The following ZNF124 variants were observed in gnomAD, a reference collection of about 807,000 sequenced individuals.
The protein encoded by ZNF124 is zinc finger protein HZF-16.
A neutral mutation model predicts 26.6 loss-of-function variants in ZNF124; 25 were observed. The ratio of observed to expected loss-of-function variants is 0.94; its 90% CI spans 0.68 to 1.31. The LOEUF is 1.31. ZNF124 is among the 40% of genes most tolerant of loss of function. ZNF124 has a pLI of 0.00. For synonymous variants in ZNF124, 129 were observed against 133.3 expected, an observed-to-expected ratio of 0.97 and a Z score of 0.22; for missense variants, 444 against 422.2, an observed-to-expected ratio of 1.05 and a Z score of -0.45.
intron 3 of ZNF124, among the ~76,000 whole-genome samples, chr1:247,130,165 T>A (rs1387832113): frequency 6.6e-6 from 1 of 152,224 alleles, no homozygotes; most frequent in Non-Finnish European, 1.5e-5. Context: ...CAGTACAGCT[T>A]GAGAGATAAT....
At chr1:247,131,329 C>T (rs1290574315) in intron 3 of ZNF124, among the ~76,000 whole-genome samples, 7 of 152,118 alleles carry the variant, frequency 4.6e-5, no homozygotes, top group Non-Finnish European at 7.3e-5. Flanking sequence ...AGATCCCACT[C>T]GCAAACCCAC....
chr1:247,144,082 C>A (rs1558377634), intron 3 of ZNF124, among the ~76,000 whole-genome samples: 1 of 152,152 alleles, frequency 6.6e-6, no homozygotes, highest in East Asian at 1.9e-4. Flanking sequence ...TGTCCTTTCC[C>A]AACATGATTT....
intron 1 of ZNF124, among the ~76,000 whole-genome samples, chr1:247,167,900 A>T (rs576730997): frequency 6.6e-6 from 1 of 152,382 alleles, no homozygotes; most frequent in East Asian, 1.9e-4. Context: ...GGCAAAGGAC[A>T]TGAATAGTTC....
Position 247,156,308 on chromosome 1 carries a change from C to G in ZNF124, c.*258G>C. The G allele has an allele frequency of 8.5e-7, 1 of 1,174,292 alleles. No individual in the cohort carries two copies. The highest frequency in any genetic ancestry group is 1.1e-6 in the Non-Finnish European group (1 of 951,830). 72.7% of individuals were successfully genotyped at this position (1,174,292 alleles called of 1,614,324 possible). The stretch of plus-strand genomic sequence containing the variant: ...GTTATACCATCAAATACCACTGGAA[C>G]AACTGCAGGCCTTACCACATTTTAA... On this transcript the variant is annotated 3_prime_UTR_variant, in exon 4 of 4. Coordinates refer to ENST00000543802, the MANE Select transcript of ZNF124 (RefSeq NM_001297568.2).
chr1:247,131,968 C>G lies in ZNF124; in HGVS notation c.219-8097G>C, dbSNP rs146515128. On this transcript the variant is annotated intron_variant, in intron 3 of 3. Coordinates refer to the ZNF124 transcript ENST00000472531. ...GGGTCCTTTTCCCTGTGCCACCCAACTGGGTGAGACCCTCCAACAGGGGTT... is the reference window on the plus strand; with the variant it reads ...GGGTCCTTTTCCCTGTGCCACCCAAGTGGGTGAGACCCTCCAACAGGGGTT... Among the ~76,000 whole-genome samples the G allele has an allele frequency of 2.0e-5, 3 of 152,332 alleles. No individual in the cohort carries two copies. The East Asian group carries it at 5.8e-4, about 29-fold the overall frequency.
Position 247,159,048 on chromosome 1 carries a change from T to A in ZNF124, c.176A>T (p.Gln59Leu). Reference sequence around the variant, plus strand: ...ATTTTTGTACTGATCTTCAATGCTCTGGTCTTCCCCTTTGTTTCCTAAAAT... The same window carrying A: ...ATTTTTGTACTGATCTTCAATGCTCAGGTCTTCCCCTTTGTTTCCTAAAAT... Reference protein sequence around the residue: ...LASIGNKGEDQSIEDQYKNSS... With the variant: ...LASIGNKGEDLSIEDQYKNSS... Residue 59 changes from glutamine to leucine, a missense_variant, in exon 3 of 4, where the codon CAG becomes CTG. Transcript: ENST00000543802. 1 of 1,612,638 alleles carries A rather than the reference T, an allele frequency of 6.2e-7. No homozygotes were observed. Among genetic ancestry groups the A allele is most frequent in the South Asian group, 1.1e-5 (1 of 90,596 alleles).
rs116350713 is a variant in ZNF124 at position 247,168,804 on chromosome 1, A to C, written c.30+3044T>G. On this transcript the variant is annotated intron_variant, in intron 1 of 3. Coordinates refer to ENST00000543802, the MANE Select transcript of ZNF124 (RefSeq NM_001297568.2). The surrounding 1 kb of genome is among the most constrained non-coding windows in gnomAD (Gnocchi z 4.0). ...CTCACTTATAAGTGGGAGCTAAGCTATGAGGTTACAAAGGCATAAGAATGA... is the reference window on the plus strand; with the variant it reads ...CTCACTTATAAGTGGGAGCTAAGCTCTGAGGTTACAAAGGCATAAGAATGA... Among the ~76,000 whole-genome samples the C allele has an allele frequency of 6.6e-6, 1 of 150,754 alleles. No homozygotes were observed. Among genetic ancestry groups the C allele is most frequent in the Non-Finnish European group, 1.5e-5 (1 of 67,678 alleles).
Position 247,156,105 on chromosome 1 carries a change from G to A in ZNF124, c.*461C>T, listed in dbSNP as rs1030200589. ...TGGGAGTTTTCACATGACCTTTAAA[G>A]TAATTGTTAAAATTCAGAATTTTCT... On this transcript the variant is annotated 3_prime_UTR_variant, in exon 4 of 4. Transcript: ENST00000543802. 3 of 983,582 alleles carry A rather than the reference G, an allele frequency of 3.1e-6. No individual in the cohort carries two copies. The highest frequency in any genetic ancestry group is 3.6e-6 in the Non-Finnish European group (3 of 828,246). 60.9% of individuals were successfully genotyped at this position (983,582 alleles called of 1,614,324 possible). A position where few individuals can be genotyped will look rare whatever the true frequency, so the allele number is the denominator to read the frequency against.
intron 3 of ZNF124, chr1:247,138,643 G>T (rs190376364): frequency 7.5e-6 from 3 of 397,816 alleles, no homozygotes; most frequent in South Asian, 1.3e-4. Context: ...ACAATTCTCC[G>T]ATCAATCACA....
chr1:247,133,326 G>A (rs1672412906), intron 3 of ZNF124, among the ~76,000 whole-genome samples: 1 of 152,182 alleles, frequency 6.6e-6, no homozygotes, highest in South Asian at 2.1e-4. Flanking sequence ...TGGAGTACCA[G>A]CAGGAGACAG....
Position 247,155,100 on chromosome 1 carries a change from GTC to G in ZNF124, c.*1464_*1465del, listed in dbSNP as rs1049385922. ...GACACAAGACACTGTTCGATCACAG[GTC>G]TCTCTCCTTAAACCAATGTTACCTA... On this transcript the variant is annotated 3_prime_UTR_variant, in exon 4 of 4. Coordinates refer to ENST00000543802, the MANE Select transcript of ZNF124 (RefSeq NM_001297568.2). 2.6e-5 allele frequency among the ~76,000 whole-genome samples: 4 copies of G among 152,100 alleles called. No homozygotes were observed. Among genetic ancestry groups the G allele is most frequent in the African/African-American group, 7.2e-5 (3 of 41,412 alleles).
intron 3 of ZNF124, among the ~76,000 whole-genome samples, chr1:247,131,458 G>A (rs1328255326): frequency 6.6e-6 from 1 of 152,084 alleles, no homozygotes; most frequent in Admixed American, 6.5e-5. Context: ...GGCCGTGGCT[G>A]CCTGCTGTCT....
upstream of ZNF124, chr1:247,172,125 CTT>C (rs1040037562): frequency 8.5e-6 from 1 of 117,650 alleles, no homozygotes; most frequent in African/African-American, 3.4e-5. Context: ...CCCTCAGACT[CTT>C]AGTGACAGGT....
chr1:247,170,839 C>A (rs1332920498), intron 1 of ZNF124, among the ~76,000 whole-genome samples: 1 of 133,410 alleles, frequency 7.5e-6, no homozygotes, highest in Admixed American at 7.2e-5. Context: ...GATAACACAA[C>A]CGGTCAGGTC....
intron 3 of ZNF124, chr1:247,138,777 G>A (rs1672553076): frequency 2.5e-6 from 1 of 398,446 alleles, no homozygotes; most frequent in African/African-American, 2.1e-5. Context: ...AATTGAAAGT[G>A]TAATTGGCAA....
chr1:247,158,599 T>C (rs556547427), intron 3 of ZNF124, among the ~76,000 whole-genome samples: 43 of 152,284 alleles, frequency 2.8e-4, no homozygotes, highest in Non-Finnish European at 5.1e-4. Context: ...TGAGAATAAA[T>C]TGATGTTGTC....
At position 247,159,716 on chromosome 1, in the gene ZNF124, T is replaced by G. The variant is rs369774158; in HGVS notation, c.128A>C (p.Gln43Pro). 1.7e-5 allele frequency: 28 copies of G among 1,612,738 alleles called. No individual in the cohort carries two copies. The highest frequency in any genetic ancestry group is 2.3e-5 in the Non-Finnish European group (27 of 1,179,704). ...GGAAGCCAGATTCCTGAAGGTTTCC[T>G]GCATCACGTCTCTATAGAGATTCTT... Reference protein sequence around the residue: ...SQKNLYRDVMQETFRNLASIG... With the variant: ...SQKNLYRDVMPETFRNLASIG... Residue 43 changes from glutamine to proline, a missense_variant, in exon 2 of 4, where the codon CAG becomes CCG. Gln to Pro is a moderately conservative substitution (Grantham distance 76). Transcript: ENST00000543802.
intron 1 of ZNF124, among the ~76,000 whole-genome samples, chr1:247,166,011 C>T (rs1673759550): frequency 6.6e-6 from 1 of 151,952 alleles, no homozygotes; most frequent in African/African-American, 2.4e-5. Context: ...GACATTGTCT[C>T]TAAGAAAGAA....
downstream of ZNF124, among the ~76,000 whole-genome samples, chr1:247,153,330 T>C (rs75162140): frequency 0.04 from 6,139 of 152,224 alleles, 153 homozygotes; most frequent in Middle Eastern, 0.15. Context: ...TTCACAAATC[T>C]GTGAGGTAGG....
Sources: gnomAD v4.1 joint callset for allele counts (sites outside exome capture counted in the v4.1 genomes callset) on GRCh38, gnomAD v4.1.1 for gene constraint, Gnocchi (gnomAD v3.1) non-coding constraint, MANE v1.5 for transcripts, NCBI Gene and HGNC (gene_info 2026-07-23, HGNC 2026-07-21) for gene names.